The following ADCY8 variants were observed in gnomAD, a reference collection of about 807,000 sequenced individuals.
The protein encoded by ADCY8 is adenylate cyclase type 8.
ADCY8 carries 51 observed loss-of-function variants against 119.7 expected under a neutral mutation model. That is an observed-to-expected ratio of 0.43 (90% CI 0.34 to 0.54). The LOEUF (loss-of-function observed/expected upper bound fraction) is 0.54, where lower values mean the gene tolerates loss of function less well. Ranked by LOEUF, ADCY8 falls within the 20% of genes least tolerant of loss-of-function variation. The pLI, the probability that ADCY8 is intolerant of heterozygous loss-of-function variation, is 0.03. For missense variants in ADCY8, 1,383 were observed against 1,598.8 expected, an observed-to-expected ratio of 0.87 and a Z score of 2.30; for synonymous variants, 665 against 651.0, an observed-to-expected ratio of 1.02 and a Z score of -0.33.
intron 12 of ADCY8, among the ~76,000 whole-genome samples, chr8:130,829,122 G>A (rs1816752202): frequency 1.3e-5 from 2 of 152,184 alleles, no homozygotes; most frequent in East Asian, 1.9e-4. Context: ...CCATGGCCGA[G>A]GTCACGCCTG....
chr8:131,039,347 A>T, intron 1 of ADCY8, 27 bp downstream of exon 1: 1 of 1,605,990 alleles, frequency 6.2e-7, no homozygotes, highest in South Asian at 1.1e-5. Flanking sequence ...TTAGAGGGGA[A>T]ACAAATGCAA....
At chr8:131,003,132 T>C (rs1473471926) in intron 1 of ADCY8, among the ~76,000 whole-genome samples, 1 of 149,956 alleles carries the variant, frequency 6.7e-6, no homozygotes, top group Admixed American at 6.7e-5. Context: ...ACCCAGGAGG[T>C]AGAGGTTGCA....
At chr8:130,856,405 G>A (rs1317085397) in intron 9 of ADCY8, among the ~76,000 whole-genome samples, 2 of 152,008 alleles carry the variant, frequency 1.3e-5, no homozygotes, top group Admixed American at 1.3e-4. Context: ...TGAGCTCTAG[G>A]AGTCCAGAGG....
chr8:131,011,917 G>A (rs906992553), intron 1 of ADCY8, among the ~76,000 whole-genome samples: 9 of 152,090 alleles, frequency 5.9e-5, no homozygotes, highest in African/African-American at 1.9e-4. Context: ...GGACATAGTG[G>A]ACACACTAAA....
Position 130,985,531 on chromosome 8 carries a change from A to G in ADCY8, c.1110+4862T>C, listed in dbSNP as rs1190488214. ...AAGGAATGAAGAATAACAGAAAATG[A>G]CTTGGAAGTAAGAGGTTTTTGGAGT... On this transcript the variant is annotated intron_variant, in intron 2 of 17. Transcript: ENST00000286355. Among the ~76,000 whole-genome samples, 3 of 152,162 alleles carry G rather than the reference A, an allele frequency of 2.0e-5. 1 individual carries two copies. Among genetic ancestry groups the G allele is most frequent in the Non-Finnish European group, 4.4e-5 (3 of 68,044 alleles).
intron 4 of ADCY8, among the ~76,000 whole-genome samples, chr8:130,940,448 A>G (rs34572309): frequency 0.29 from 43,754 of 152,076 alleles, 7,102 homozygotes; most frequent in East Asian, 0.56. Context: ...AGCCTCCTTG[A>G]AACTCTTTGG....
chr8:130,810,347 TACACACACACACACACACAC>T (rs58781726), intron 14 of ADCY8, among the ~76,000 whole-genome samples: 1 of 142,654 alleles, frequency 7.0e-6, no homozygotes, highest in Admixed American at 7.0e-5. Flanking sequence ...TCTCTTTTTC[TACACACACACACACACACAC>T]ACACACACAC....
chr8:130,931,161 A>C (rs1820619699), intron 5 of ADCY8, among the ~76,000 whole-genome samples: 1 of 152,172 alleles, frequency 6.6e-6, no homozygotes, highest in African/African-American at 2.4e-5. Flanking sequence ...TTTGTCTGGA[A>C]AAGTCTTAAT....
chr8:130,979,697 A>G (rs1822181244), intron 2 of ADCY8, among the ~76,000 whole-genome samples: 1 of 152,168 alleles, frequency 6.6e-6, no homozygotes, highest in Non-Finnish European at 1.5e-5. Flanking sequence ...CAAATTCCTC[A>G]TCTATAAAAT....
chr8:130,793,391 T>G (rs1179794938), intron 15 of ADCY8, among the ~76,000 whole-genome samples: 1 of 152,194 alleles, frequency 6.6e-6, no homozygotes, highest in Non-Finnish European at 1.5e-5. Context: ...TGACTCTAAT[T>G]GCACCCCTCC....
At chr8:130,794,480 G>A (rs1301052664) in intron 15 of ADCY8, among the ~76,000 whole-genome samples, 6 of 152,108 alleles carry the variant, frequency 3.9e-5, no homozygotes, top group Admixed American at 2.0e-4. Flanking sequence ...TCCTGACCTC[G>A]TGATCCGCCT....
At chr8:131,016,469 ACTCTAGC>A (rs1180632312) in intron 1 of ADCY8, among the ~76,000 whole-genome samples, 1 of 152,132 alleles carries the variant, frequency 6.6e-6, no homozygotes, top group Non-Finnish European at 1.5e-5. Context: ...GCACTACTGC[ACTCTAGC>A]CTGGGTGATC....
intron 7 of ADCY8, 22 bp from the exon 8 acceptor site, chr8:130,884,783 A>T: frequency 6.2e-7 from 1 of 1,610,310 alleles, no homozygotes. Flanking sequence ...GCACATGCAA[A>T]CACAATAAAC....
chr8:131,021,099 T>C (rs11784784), intron 1 of ADCY8, among the ~76,000 whole-genome samples: 10,223 of 152,246 alleles, frequency 0.067, 595 homozygotes, highest in African/African-American at 0.15. Flanking sequence ...TGTTAATTTA[T>C]TGGATGATAC....
chr8:130,984,942 T>A (rs1303171027), intron 2 of ADCY8, among the ~76,000 whole-genome samples: 2 of 151,790 alleles, frequency 1.3e-5, no homozygotes, highest in Admixed American at 6.6e-5. Flanking sequence ...GAAGTGAAGG[T>A]TGAAGCCATG....
intron 2 of ADCY8, among the ~76,000 whole-genome samples, chr8:130,985,037 T>C (rs1822355931): frequency 1.3e-5 from 2 of 151,906 alleles, no homozygotes; most frequent in Admixed American, 1.3e-4. Context: ...CTTTAAGTGT[T>C]TGGAGGAGGA....
chr8:130,993,483 G>A (rs541117120), intron 1 of ADCY8, among the ~76,000 whole-genome samples: 4 of 152,290 alleles, frequency 2.6e-5, no homozygotes, highest in East Asian at 3.9e-4. Context: ...GATATGGTTT[G>A]GCTGTGTCCC....
chr8:130,791,345 C>G (rs1024005309), intron 15 of ADCY8, among the ~76,000 whole-genome samples: 5 of 152,150 alleles, frequency 3.3e-5, no homozygotes, highest in South Asian at 4.1e-4. Context: ...GAGTTCCTCC[C>G]CATTCCTGGA....
At chr8:130,782,848 A>G (rs1271380042) in intron 17 of ADCY8, among the ~76,000 whole-genome samples, 3 of 152,246 alleles carry the variant, frequency 2.0e-5, no homozygotes, top group Admixed American at 2.0e-4. Flanking sequence ...AGAAGCAGAT[A>G]AAGTAAAATG....
Sources: gnomAD v4.1 joint callset for allele counts (sites outside exome capture counted in the v4.1 genomes callset) on GRCh38, gnomAD v4.1.1 for gene constraint, MANE v1.5 for transcripts, NCBI Gene and HGNC (gene_info 2026-07-23, HGNC 2026-07-21) for gene names.